Variants in CRYZ observed in about 807,000 individuals in gnomAD.
CRYZ encodes the protein crystallin zeta.
In CRYZ, 35 loss-of-function variants were observed where a neutral mutation model predicts 34.1. The ratio of observed to expected loss-of-function variants is 1.03; its 90% CI spans 0.78 to 1.36. The LOEUF is 1.36. CRYZ is among the 40% of genes most tolerant of loss of function. The pLI is 0.00. For missense variants in CRYZ, 403 were observed against 391.8 expected, an observed-to-expected ratio of 1.03 and a Z score of -0.24; for synonymous variants, 137 against 136.5, an observed-to-expected ratio of 1.00 and a Z score of -0.03.
chr1:74,721,041 T>G (rs1416482621), intron 3 of CRYZ, among the ~76,000 whole-genome samples: 1 of 152,078 alleles, frequency 6.6e-6, no homozygotes, highest in East Asian at 1.9e-4. Flanking sequence ...AGGACAAGAT[T>G]TTGAAAACTA....
At chr1:74,723,368 G>GACAAAAGCAAA in intron 2 of CRYZ, 98 bp from the exon 3 acceptor site, 1 of 1,157,890 alleles carries the variant, frequency 8.6e-7, no homozygotes, top group Admixed American at 2.6e-5. Flanking sequence ...CAAAATGGGA[G>GACAAAAGCAAA]ACAAAAGCAA....
intron 3 of CRYZ, among the ~76,000 whole-genome samples, chr1:74,722,488 C>T (rs1570006670): frequency 6.6e-6 from 1 of 152,104 alleles, no homozygotes; most frequent in East Asian, 1.9e-4. Context: ...CAGTAATCTT[C>T]TCTGTCTCAA....
rs112407932 is a variant in CRYZ at position 74,706,254 on chromosome 1, A to G, written c.*42T>C. The stretch of plus-strand genomic sequence containing the variant: ...GGGTAAGTACAACTGGGGGAAAGAC[A>G]GTACCTCTAATTACATAGGAAATCC... On this transcript the variant is annotated 3_prime_UTR_variant, in exon 9 of 9. Coordinates refer to ENST00000340866, the MANE Select transcript of CRYZ (RefSeq NM_001889.4). The G allele has an allele frequency of 6.1e-4, 913 of 1,505,910 alleles. 4 individuals carry two copies. The African/African-American group carries it at 0.012, about 19-fold the overall frequency. 93.3% of individuals were successfully genotyped at this position (1,505,910 alleles called of 1,614,324 possible).
chr1:74,731,220 T>G (rs1479885639), intron 1 of CRYZ, among the ~76,000 whole-genome samples: 2 of 152,220 alleles, frequency 1.3e-5, no homozygotes, highest in Non-Finnish European at 2.9e-5. Context: ...AGTGATCTTT[T>G]TCCTGGCTAT....
At chr1:74,732,073 T>C (rs1168635939) in intron 1 of CRYZ, among the ~76,000 whole-genome samples, 2 of 151,588 alleles carry the variant, frequency 1.3e-5, no homozygotes, top group East Asian at 3.9e-4. Flanking sequence ...GGGCCCTACC[T>C]AGGAGAAGAA....
In CRYZ at chr1:74,706,130, T is replaced by C. The variant is rs968761097; in HGVS notation, c.*166A>G. 1.3e-5 allele frequency: 7 copies of C among 522,966 alleles called. 1 individual carries two copies. The Admixed American group carries it at 1.9e-4, about 14-fold the overall frequency. The allele number at this position is 522,966 out of a possible 1,614,324, so 32.4% of individuals were successfully genotyped here. ...TGGCATAAAAAAATATTGCTAGCTA[T>C]ACAATAAATTTTACTCTTCTGCTTC... is the stretch of plus-strand genomic sequence containing the variant. On this transcript the variant is annotated 3_prime_UTR_variant, in exon 9 of 9. Transcript: ENST00000340866.
At chr1:74,718,938 G>A (rs1275764573) in intron 4 of CRYZ, among the ~76,000 whole-genome samples, 1 of 152,068 alleles carries the variant, frequency 6.6e-6, no homozygotes, top group African/African-American at 2.4e-5. Flanking sequence ...CTCTACCACT[G>A]TACTTTCCAC....
chr1:74,708,634 GACAGGAAA>G (rs1646962194), intron 6 of CRYZ: 1 of 152,116 alleles, frequency 6.6e-6, no homozygotes, highest in African/African-American at 2.4e-5. Flanking sequence ...ATAATTAAAA[GACAGGAAA>G]AACAAACAAA....
chr1:74,732,441 T>C (rs1489875374), intron 1 of CRYZ, among the ~76,000 whole-genome samples: 20 of 138,112 alleles, frequency 1.4e-4, no homozygotes, highest in South Asian at 4.7e-4. Flanking sequence ...AGAAATCCCC[T>C]ACAGCTGGGC....
intron 1 of CRYZ, among the ~76,000 whole-genome samples, chr1:74,727,485 A>T (rs1647420693): frequency 7.3e-6 from 1 of 136,854 alleles, no homozygotes; most frequent in Non-Finnish European, 1.6e-5. Flanking sequence ...AAAAAAAATT[A>T]GCCGGGCATG....
chr1:74,719,684 CG>C (rs1267095926), intron 3 of CRYZ, among the ~76,000 whole-genome samples: 1 of 151,888 alleles, frequency 6.6e-6, no homozygotes, highest in East Asian at 1.9e-4. Flanking sequence ...TTAGTAGAGA[CG>C]GGGTTTCACC....
chr1:74,725,097 CAT>C (rs1647267218), intron 1 of CRYZ, among the ~76,000 whole-genome samples: 1 of 152,184 alleles, frequency 6.6e-6, no homozygotes, highest in Admixed American at 6.6e-5. Context: ...TCTGGATAGA[CAT>C]AGCATGATAC....
In CRYZ at chr1:74,709,388, C is replaced by T. The variant is rs759282060; in HGVS notation, c.630+710G>A. On this transcript the variant is annotated intron_variant, in intron 6 of 8. Coordinates refer to ENST00000340866, the MANE Select transcript of CRYZ (RefSeq NM_001889.4). The stretch of plus-strand genomic sequence containing the variant: ...CGTATAACAAAGGAGTGCTTTTGTT[C>T]GGCTTTTTGGCAAGATGATTGCAAA... 7.2e-5 allele frequency among the ~76,000 whole-genome samples: 11 copies of T among 152,006 alleles called. No homozygotes were observed. The East Asian group carries it at 1.2e-3, about 16-fold the overall frequency.
chr1:74,710,884 C>A (rs1229413454), intron 5 of CRYZ, among the ~76,000 whole-genome samples: 1 of 151,920 alleles, frequency 6.6e-6, no homozygotes, highest in East Asian at 1.9e-4. Context: ...AAAATAAATT[C>A]AGGAAATAAA....
At chr1:74,721,580 T>C (rs953573387) in intron 3 of CRYZ, among the ~76,000 whole-genome samples, 7 of 152,200 alleles carry the variant, frequency 4.6e-5, no homozygotes, top group African/African-American at 1.2e-4. Context: ...GTGTCTATTA[T>C]AGAAATTCAG....
chr1:74,720,920 T>C (rs1476468562), intron 3 of CRYZ, among the ~76,000 whole-genome samples: 3 of 151,832 alleles, frequency 2.0e-5, no homozygotes, highest in East Asian at 1.9e-4. Context: ...AAGGCAAACA[T>C]GATGAGCCAC....
intron 6 of CRYZ, chr1:74,708,380 ACTC>A (rs1263602626): frequency 1.3e-5 from 2 of 151,430 alleles, no homozygotes; most frequent in East Asian, 1.9e-4. Context: ...GAGAGACAAA[ACTC>A]CTCTCCTCAT....
rs1408574876 is a variant in CRYZ at position 74,723,284 on chromosome 1, G to A, written c.112-14C>T. On this transcript the variant is annotated splice_polypyrimidine_tract_variant and intron_variant, in intron 2 of 8. Coordinates refer to ENST00000340866, the MANE Select transcript of CRYZ (RefSeq NM_001889.4). ...CTTGATTAGAACCTGCAATGACAAT[G>A]TATTTTAGTTCACAGAAAGAATTTA... The A allele has an allele frequency of 1.5e-5, 24 of 1,605,866 alleles. No individual in the cohort carries two copies. Among genetic ancestry groups the A allele is most frequent in the Non-Finnish European group, 1.9e-5 (22 of 1,177,714 alleles).
intron 1 of CRYZ, among the ~76,000 whole-genome samples, chr1:74,730,029 T>C (rs572949137): frequency 6.6e-6 from 1 of 152,292 alleles, no homozygotes; most frequent in South Asian, 2.1e-4. Flanking sequence ...GATATCTACC[T>C]ACTTCCTACA....
Sources: gnomAD v4.1 joint callset for allele counts (sites outside exome capture counted in the v4.1 genomes callset) on GRCh38, gnomAD v4.1.1 for gene constraint, MANE v1.5 for transcripts, NCBI Gene and HGNC (gene_info 2026-07-23, HGNC 2026-07-21) for gene names.